The following AGMO variants were observed in gnomAD, a reference collection of about 807,000 sequenced individuals.
AGMO encodes alkylglycerol monooxygenase, also known as glyceryl-ether monooxygenase.
A neutral mutation model predicts 60.2 loss-of-function variants in AGMO; 75 were observed. The observed-to-expected ratio is 1.25, with a 90% confidence interval of 1.03 to 1.51. The LOEUF is 1.51. AGMO is among the 40% of genes most tolerant of loss of function. AGMO has a pLI of 0.00. For missense variants in AGMO, 763 were observed against 525.5 expected, an observed-to-expected ratio of 1.45 and a Z score of -4.42; for synonymous variants, 261 against 177.1, an observed-to-expected ratio of 1.47 and a Z score of -3.76.
chr7:15,550,381 G>C (rs888584077), intron 2 of AGMO, among the ~76,000 whole-genome samples: 1 of 152,052 alleles, frequency 6.6e-6, no homozygotes, highest in Non-Finnish European at 1.5e-5. Context: ...TCCAGGAGCT[G>C]GTTTTTTGAA....
the AGMO span, among the ~76,000 whole-genome samples, chr7:15,177,302 C>A: frequency 6.6e-6 from 1 of 151,872 alleles, no homozygotes; most frequent in South Asian, 2.1e-4. Context: ...TGTTTGTTTG[C>A]ACAAACAAAC....
intron 3 of AGMO, among the ~76,000 whole-genome samples, chr7:15,463,636 C>T (rs1323329324): frequency 6.6e-6 from 1 of 152,064 alleles, no homozygotes. Flanking sequence ...AGAAGTACAT[C>T]CAGGTATTTT....
chr7:15,444,300 C>G (rs1238291448), intron 3 of AGMO, among the ~76,000 whole-genome samples: 1 of 152,046 alleles, frequency 6.6e-6, no homozygotes, highest in Non-Finnish European at 1.5e-5. Context: ...TACACTGATT[C>G]CCTCTCCCTA....
At chr7:15,453,415 T>G (rs570488854) in intron 3 of AGMO, among the ~76,000 whole-genome samples, 1 of 152,122 alleles carries the variant, frequency 6.6e-6, no homozygotes, top group Non-Finnish European at 1.5e-5. Flanking sequence ...TGAAACAACT[T>G]CACAGTGTAG....
At chr7:15,520,703 T>C (rs572115696) in intron 3 of AGMO, among the ~76,000 whole-genome samples, 27 of 152,282 alleles carry the variant, frequency 1.8e-4, no homozygotes, top group African/African-American at 6.3e-4. Flanking sequence ...TAAAGCAGTG[T>C]CTAGAGGAAA....
intron 12 of AGMO, among the ~76,000 whole-genome samples, chr7:15,238,753 C>T (rs1337723321): frequency 2.7e-4 from 41 of 151,732 alleles, no homozygotes; most frequent in South Asian, 2.1e-4. Flanking sequence ...GGAAAACTTC[C>T]AATTTTACAT....
the AGMO span, among the ~76,000 whole-genome samples, chr7:15,118,173 A>ACACACAC: frequency 0.01 from 1,455 of 144,656 alleles, 34 homozygotes; most frequent in African/African-American, 0.03. Context: ...ACTAAAGAGA[A>ACACACAC]ACACACACAC....
intron 3 of AGMO, among the ~76,000 whole-genome samples, chr7:15,541,336 G>A (rs1784626690): frequency 6.6e-6 from 1 of 152,050 alleles, no homozygotes; most frequent in Non-Finnish European, 1.5e-5. Flanking sequence ...TGGTCAGGCT[G>A]GTCTCGAACT....
chr7:15,412,990 T>C (rs1236729308), intron 5 of AGMO, among the ~76,000 whole-genome samples: 1 of 152,070 alleles, frequency 6.6e-6, no homozygotes, highest in African/African-American at 2.4e-5. Flanking sequence ...ACAAATGCGA[T>C]TCATATCAAG....
intron 12 of AGMO, among the ~76,000 whole-genome samples, chr7:15,230,167 A>T (rs1382924584): frequency 6.6e-6 from 1 of 152,164 alleles, no homozygotes; most frequent in Non-Finnish European, 1.5e-5. Flanking sequence ...AAATAAGAAG[A>T]AACAGTAATA....
chr7:15,153,813 C>G, the AGMO span, among the ~76,000 whole-genome samples: 1 of 152,026 alleles, frequency 6.6e-6, no homozygotes, highest in Non-Finnish European at 1.5e-5. Flanking sequence ...TTGCTTTTGG[C>G]TATGCAAGCT....
In AGMO at chr7:15,444,624, G is replaced by T. The variant is rs1026544531; in HGVS notation, c.410-13516C>A. Among the ~76,000 whole-genome samples the T allele has an allele frequency of 4.6e-5, 7 of 152,222 alleles. No individual in the cohort carries two copies. In the South Asian group the frequency reaches 1.0e-3, roughly 23 times the overall value. The stretch of plus-strand genomic sequence containing the variant: ...TTGCTCCTGATTCTCCTCCATCTCT[G>T]CTCCAACTGGGTGCATTTCCTTGAT... On this transcript the variant is annotated intron_variant, in intron 3 of 12. Transcript: ENST00000342526.
chr7:15,232,105 T>C (rs1285883639), intron 12 of AGMO, among the ~76,000 whole-genome samples: 4 of 152,214 alleles, frequency 2.6e-5, no homozygotes, highest in Non-Finnish European at 5.9e-5. Flanking sequence ...TCCTCCCACC[T>C]GCTGAAGATT....
chr7:15,217,240 C>A (rs954735599), intron 12 of AGMO, among the ~76,000 whole-genome samples: 1 of 152,016 alleles, frequency 6.6e-6, no homozygotes, highest in Non-Finnish European at 1.5e-5. Context: ...ATGTTAAATA[C>A]TGTAAAGATG....
At chr7:15,205,916 T>C (rs1016636242) in intron 12 of AGMO, among the ~76,000 whole-genome samples, 29 of 152,118 alleles carry the variant, frequency 1.9e-4, no homozygotes, top group Admixed American at 1.2e-3. Flanking sequence ...AACTATTTAA[T>C]AGAACTAAAA....
At chr7:15,560,608 C>T (rs1317356491) in intron 1 of AGMO, among the ~76,000 whole-genome samples, 2 of 152,098 alleles carry the variant, frequency 1.3e-5, no homozygotes. Context: ...AATTAGAGGT[C>T]TATTGTCTCT....
intron 12 of AGMO, among the ~76,000 whole-genome samples, chr7:15,229,373 G>C (rs1782183954): frequency 1.3e-5 from 2 of 151,562 alleles, no homozygotes; most frequent in South Asian, 4.2e-4. Context: ...GATTCTAAGG[G>C]TTCGAATACA....
chr7:15,439,336 G>A (rs759998674), intron 3 of AGMO, among the ~76,000 whole-genome samples: 1 of 152,180 alleles, frequency 6.6e-6, no homozygotes, highest in Non-Finnish European at 1.5e-5. Flanking sequence ...GGCAAAAATT[G>A]CAGTGAGCTG....
At chr7:15,154,600 C>T in the AGMO span, among the ~76,000 whole-genome samples, 4 of 152,190 alleles carry the variant, frequency 2.6e-5, no homozygotes, top group African/African-American at 9.6e-5. Flanking sequence ...AGCCAATATA[C>T]ATTCAAGGTT....
Sources: allele counts gnomAD v4.1 joint callset (sites outside exome capture counted in the v4.1 genomes callset), GRCh38; gene constraint gnomAD v4.1.1; transcripts MANE v1.5; gene names NCBI Gene and HGNC (gene_info 2026-07-23, HGNC 2026-07-21).